The following ABCC5 variants were observed in gnomAD, a reference collection of about 807,000 sequenced individuals.
The protein encoded by ABCC5 is ATP binding cassette subfamily C member 5, also known as ATP-binding cassette sub-family C member 5.
A neutral mutation model predicts 160.9 loss-of-function variants in ABCC5; 61 were observed. The observed-to-expected ratio is 0.38, with a 90% CI of 0.31 to 0.47. The LOEUF (loss-of-function observed/expected upper bound fraction) is 0.47, where lower values mean the gene tolerates loss of function less well. Ranked by LOEUF, ABCC5 falls within the 20% of genes least tolerant of loss-of-function variation. The pLI is 0.99. For missense variants in ABCC5, 1,308 were observed against 1,813.3 expected, an observed-to-expected ratio of 0.72 and a Z score of 5.06; for synonymous variants, 666 against 700.6, an observed-to-expected ratio of 0.95 and a Z score of 0.78.
intron 11 of ABCC5, among the ~76,000 whole-genome samples, chr3:183,968,160 G>A (rs1717401416): frequency 6.6e-6 from 1 of 152,026 alleles, no homozygotes; most frequent in African/African-American, 2.4e-5. Context: ...ATGGAGTCTT[G>A]CTCTGTCAAC....
In ABCC5 at chr3:183,921,277, G is replaced by T; in HGVS notation, c.*23C>A. 7.1e-7 allele frequency: 1 copy of T among 1,401,766 alleles called. No homozygotes were observed. Among genetic ancestry groups the T allele is most frequent in the Admixed American group, 1.8e-5 (1 of 55,696 alleles). 86.8% of individuals were successfully genotyped at this position (1,401,766 alleles called of 1,614,324 possible). A position where few individuals can be genotyped will look rare whatever the true frequency, so the allele number is the denominator to read the frequency against. On this transcript the variant is annotated 3_prime_UTR_variant, in exon 30 of 30. Coordinates refer to ENST00000334444, the MANE Select transcript of ABCC5 (RefSeq NM_005688.4). This position sits in a 1 kb window ranked among gnomAD's most constrained non-coding sequence, Gnocchi z 4.1. ...GGGAATGGCAATGCTCTAAAGAAAAGAGACTTCGTCAACAGGGAGGAGTCA... is the reference window on the plus strand; with the variant it reads ...GGGAATGGCAATGCTCTAAAGAAAATAGACTTCGTCAACAGGGAGGAGTCA...
At chr3:183,937,250 G>A (rs1159835550) in intron 26 of ABCC5, among the ~76,000 whole-genome samples, 4 of 152,140 alleles carry the variant, frequency 2.6e-5, no homozygotes, top group African/African-American at 7.2e-5. Context: ...GGGGGAGGGC[G>A]CCTGTAATCC....
In ABCC5 at chr3:183,949,785, G is replaced by A. The variant is rs190669230; in HGVS notation, c.3195C>T (p.His1065=). 67 of 1,614,190 alleles carry A rather than the reference G, an allele frequency of 4.2e-5. No individual in the cohort carries two copies. The highest frequency in any genetic ancestry group is 1.2e-4 in the African/African-American group (9 of 75,036). ...GAAACTCCTGCCCTTTATTGTAGGC[G>A]TGGATGGTGGCAAGGCCCTGTATGC... The part of the protein sequence containing the change: ...TSSIQGLATI[H]AYNKGQEFLH... The change falls in exon 22 of 30, where the codon CAC becomes CAT. Residue 1065 remains histidine, a synonymous_variant. Coordinates refer to ENST00000334444, the MANE Select transcript of ABCC5 (RefSeq NM_005688.4). The surrounding 1 kb of genome is among the most constrained non-coding windows in gnomAD (Gnocchi z 4.2).
rs917592089 is a variant in ABCC5 at position 183,987,357 on chromosome 3, A to T, written c.591+413T>A. 1 of 398,458 alleles carries T rather than the reference A, an allele frequency of 2.5e-6. No individual in the cohort carries two copies. Among genetic ancestry groups the T allele is most frequent in the Non-Finnish European group, 4.5e-6 (1 of 220,902 alleles). 24.7% of individuals were successfully genotyped at this position (398,458 alleles called of 1,614,324 possible). A position where few individuals can be genotyped will look rare whatever the true frequency, so the allele number is the denominator to read the frequency against. On this transcript the variant is annotated intron_variant, in intron 5 of 29. Transcript: ENST00000334444. This position sits in a 1 kb window ranked among gnomAD's most constrained non-coding sequence, Gnocchi z 4.2. ...GGGCTTATTTGCCACAGACCTGCCA[A>T]ACATGTGATAACTGCCTCCAGGCAC... is the stretch of plus-strand genomic sequence containing the variant.
chr3:183,939,173 C>CTGT (rs1374693838), intron 25 of ABCC5, among the ~76,000 whole-genome samples: 1 of 152,210 alleles, frequency 6.6e-6, no homozygotes, highest in African/African-American at 2.4e-5. Flanking sequence ...TGGCTCATGC[C>CTGT]TGTAATCCCA....
chr3:183,952,042 C>G (rs146767064), intron 18 of ABCC5, 39 bp from the exon 19 acceptor site: 2 of 1,586,246 alleles, frequency 1.3e-6, no homozygotes, highest in African/African-American at 2.7e-5. Flanking sequence ...AGACTCCTAA[C>G]GACTGCCAAG....
chr3:184,009,784 A>G lies in ABCC5; in HGVS notation c.129+4480T>C, dbSNP rs1692004643. On this transcript the variant is annotated intron_variant, in intron 2 of 29. Transcript: ENST00000334444. ...CTAAGTAACAGAAAGAGAGTAGAATAAAAGAAATCTTTTAAAAAAGTTCAG... is the reference window on the plus strand; with the variant it reads ...CTAAGTAACAGAAAGAGAGTAGAATGAAAGAAATCTTTTAAAAAAGTTCAG... 14 of 223,178 alleles carry G rather than the reference A, an allele frequency of 6.3e-5. No homozygotes were observed. The South Asian group carries it at 7.4e-4, about 12-fold the overall frequency. The allele number at this position is 223,178 out of a possible 1,614,324, so 13.8% of individuals were successfully genotyped here.
intron 2 of ABCC5, among the ~76,000 whole-genome samples, chr3:183,998,986 A>T (rs1720519876): frequency 6.6e-6 from 1 of 151,320 alleles, no homozygotes; most frequent in South Asian, 2.1e-4. Flanking sequence ...GCTACTCGGG[A>T]GGGTGAGGCA....
At chr3:183,968,758 G>A (rs1028826893) in intron 11 of ABCC5, among the ~76,000 whole-genome samples, 2 of 152,204 alleles carry the variant, frequency 1.3e-5, no homozygotes, top group African/African-American at 4.8e-5. Flanking sequence ...GGAAGGGAGA[G>A]TGGTAGTGTG....
At position 183,921,454 on chromosome 3, in the gene ABCC5, T is replaced by C; in HGVS notation, c.4213-53A>G. ...CACAGCTCTGGGTCATGCAGGGTGA[T>C]TCAGAGGATCCACGGCTCAGTAAGT... On this transcript the variant is annotated intron_variant, in intron 29 of 29. Coordinates refer to ENST00000334444, the MANE Select transcript of ABCC5 (RefSeq NM_005688.4). This position sits in a 1 kb window ranked among gnomAD's most constrained non-coding sequence, Gnocchi z 4.1. 1.3e-6 allele frequency: 2 copies of C among 1,556,328 alleles called. No homozygotes were observed. The highest frequency in any genetic ancestry group is 1.4e-5 in the African/African-American group (1 of 72,856).
chr3:183,924,173 C>A (rs1218307927), intron 29 of ABCC5, among the ~76,000 whole-genome samples: 2 of 151,994 alleles, frequency 1.3e-5, no homozygotes, highest in African/African-American at 2.4e-5. Context: ...TGTGTGCCAC[C>A]ACTCCTGGCT....
chr3:183,953,173 C>T lies in ABCC5; in HGVS notation c.2580G>A (p.Leu860=). The T allele has an allele frequency of 6.2e-7, 1 of 1,614,122 alleles. No individual in the cohort carries two copies. Among genetic ancestry groups the T allele is most frequent in the Non-Finnish European group, 8.5e-7 (1 of 1,180,024 alleles). ...IQAAGGPLAF[L]VIMALFMLNV... ...TCAGCATGAAAAGGGCCATAATAAC[C>T]AGGAATGCCAAGGGGCCCCCAGCAG... The change falls in exon 18 of 30, where the codon CTG becomes CTA. Residue 860 remains leucine, a synonymous_variant. Coordinates refer to ENST00000334444, the MANE Select transcript of ABCC5 (RefSeq NM_005688.4).
At position 183,952,983 on chromosome 3, in the gene ABCC5, T is replaced by C. The variant is rs1715526673; in HGVS notation, c.2667+103A>G. ...TGGAAAAATCTCTCTTTACAGCTTCTTTTAAGTGAAAACTAGAACAGTTTC... is the reference window on the plus strand; with the variant it reads ...TGGAAAAATCTCTCTTTACAGCTTCCTTTAAGTGAAAACTAGAACAGTTTC... On this transcript the variant is annotated intron_variant, in intron 18 of 29. Transcript: ENST00000334444. The C allele has an allele frequency of 2.3e-6, 3 of 1,308,394 alleles. No homozygotes were observed. In the Admixed American group the frequency reaches 7.1e-5, roughly 31 times the overall value. 81.0% of individuals were successfully genotyped at this position (1,308,394 alleles called of 1,614,324 possible). A position where few individuals can be genotyped will look rare whatever the true frequency, so the allele number is the denominator to read the frequency against.
intron 24 of ABCC5, 94 bp downstream of exon 24, chr3:183,945,756 C>CA: frequency 1.0e-6 from 1 of 964,346 alleles, no homozygotes. Context: ...GCAGAGAACA[C>CA]AAGCCTCCTC....
intron 26 of ABCC5, among the ~76,000 whole-genome samples, chr3:183,933,987 T>C (rs1281397651): frequency 2.6e-5 from 4 of 152,320 alleles, no homozygotes; most frequent in South Asian, 2.1e-4. Flanking sequence ...AAACTCATCA[T>C]AGGCTTTCTA....
intron 2 of ABCC5, among the ~76,000 whole-genome samples, chr3:184,009,309 A>G (rs1214195073): frequency 6.6e-6 from 1 of 152,230 alleles, no homozygotes; most frequent in Non-Finnish European, 1.5e-5. Flanking sequence ...TTTGACAGAT[A>G]GTAGGCATAC....
chr3:183,943,968 G>A (rs1458019501), intron 24 of ABCC5, among the ~76,000 whole-genome samples: 1 of 152,144 alleles, frequency 6.6e-6, no homozygotes, highest in Non-Finnish European at 1.5e-5. Context: ...TCCTTTCTGA[G>A]AATAAGAAAG....
chr3:184,003,161 G>A (rs35296517), intron 2 of ABCC5, among the ~76,000 whole-genome samples: 10,501 of 152,074 alleles, frequency 0.069, 373 homozygotes, highest in Middle Eastern at 0.092. Flanking sequence ...AAACTTTTAA[G>A]GGGAACTGTT....
In ABCC5 at chr3:183,982,303, G is replaced by A. The variant is rs1718815886; in HGVS notation, c.999+148C>T. On this transcript the variant is annotated intron_variant, in intron 7 of 29. Transcript: ENST00000334444. This position sits in a 1 kb window ranked among gnomAD's most constrained non-coding sequence, Gnocchi z 5.2. The stretch of plus-strand genomic sequence containing the variant: ...CAAGTCAAAATTCTGTCCCTATAGA[G>A]CAAGCACTATCGAGCTCTAGATTGA... The A allele has an allele frequency of 2.3e-6, 2 of 881,808 alleles. No homozygotes were observed. The highest frequency in any genetic ancestry group is 5.3e-5 in the East Asian group (2 of 37,540). The allele number at this position is 881,808 out of a possible 1,614,324, so 54.6% of individuals were successfully genotyped here.
Sources: allele counts gnomAD v4.1 joint callset (sites outside exome capture counted in the v4.1 genomes callset), GRCh38; gene constraint gnomAD v4.1.1; non-coding constraint Gnocchi (gnomAD v3.1); transcripts MANE v1.5; gene names NCBI Gene and HGNC (gene_info 2026-07-23, HGNC 2026-07-21).